GRIK4: variants seen among roughly 807,000 people sequenced by gnomAD.
The protein encoded by GRIK4 is glutamate ionotropic receptor kainate type subunit 4.
In GRIK4, 40 loss-of-function variants were observed where a neutral mutation model predicts 104.9. That is an observed-to-expected ratio of 0.38 (90% CI 0.30 to 0.50). GRIK4 has a LOEUF of 0.50. GRIK4 is among the 20% of genes least tolerant of loss of function. The probability of loss-of-function intolerance (pLI) is 0.93; values close to 1 mark genes in which losing one functional copy is unlikely to be tolerated. For synonymous variants in GRIK4, 485 were observed against 524.9 expected (o/e 0.92, Z 1.04); for missense variants, 1,047 against 1,308.1 (o/e 0.80, Z 3.08).
chr11:120,919,560 AC>A (rs1197596076), intron 13 of GRIK4, among the ~76,000 whole-genome samples: 4 of 152,164 alleles, frequency 2.6e-5, no homozygotes, highest in Admixed American at 1.3e-4. Context: ...TTGCAACTTA[AC>A]AGGCCCTCCA....
chr11:120,814,353 A>G (rs1952888805), intron 4 of GRIK4, among the ~76,000 whole-genome samples: 1 of 152,156 alleles, frequency 6.6e-6, no homozygotes. Flanking sequence ...TAATCCCAGC[A>G]CTTCGGGAGG....
chr11:120,640,542 A>G (rs554477948), intron 1 of GRIK4, among the ~76,000 whole-genome samples: 1 of 152,322 alleles, frequency 6.6e-6, no homozygotes, highest in South Asian at 2.1e-4. Context: ...TAAGACCCCA[A>G]TCCATCACCA....
At chr11:120,963,997 T>TTATTA (rs10623083) in intron 18 of GRIK4, among the ~76,000 whole-genome samples, 1 of 146,282 alleles carries the variant, frequency 6.8e-6, no homozygotes, top group African/African-American at 2.5e-5. Flanking sequence ...ATTTATTTAT[T>TTATTA]TTTATTTATT....
chr11:120,950,287 T>C (rs1377835685), intron 14 of GRIK4, among the ~76,000 whole-genome samples: 1 of 152,210 alleles, frequency 6.6e-6, no homozygotes, highest in East Asian at 1.9e-4. Flanking sequence ...GAGCTTTGTT[T>C]ATGTCATGGT....
chr11:120,874,470 T>C (rs1237848929), intron 10 of GRIK4, among the ~76,000 whole-genome samples: 2 of 152,182 alleles, frequency 1.3e-5, no homozygotes, highest in African/African-American at 4.8e-5. Context: ...CCTTACACTA[T>C]TAGTGGGCCC....
chr11:120,943,237 T>A (rs1374655983), intron 14 of GRIK4, among the ~76,000 whole-genome samples: 4 of 151,682 alleles, frequency 2.6e-5, no homozygotes, highest in Non-Finnish European at 5.9e-5. Context: ...CTAGACCTGA[T>A]TGATAACAGG....
chr11:120,863,290 C>T (rs1954309513), intron 9 of GRIK4, among the ~76,000 whole-genome samples: 1 of 152,210 alleles, frequency 6.6e-6, no homozygotes, highest in Non-Finnish European at 1.5e-5. Flanking sequence ...TATGCAAATA[C>T]TTACCACTGT....
chr11:120,561,302 G>C (rs565640040), intron 1 of GRIK4, among the ~76,000 whole-genome samples: 1 of 152,176 alleles, frequency 6.6e-6, no homozygotes, highest in Non-Finnish European at 1.5e-5. Context: ...TTGATGGAGC[G>C]CTTCTCCCTC....
intron 6 of GRIK4, among the ~76,000 whole-genome samples, chr11:120,822,075 G>T (rs1291508155): frequency 6.6e-6 from 1 of 151,930 alleles, no homozygotes; most frequent in African/African-American, 2.4e-5. Context: ...GACGGGTGTG[G>T]TGGTACGCGC....
chr11:120,840,286 G>A (rs1253394009), intron 8 of GRIK4, among the ~76,000 whole-genome samples: 1 of 152,202 alleles, frequency 6.6e-6, no homozygotes, highest in Non-Finnish European at 1.5e-5. Flanking sequence ...ACAGTCAGAG[G>A]AAACAGTGAA....
At chr11:120,795,568 T>C (rs1293009769) in intron 3 of GRIK4, among the ~76,000 whole-genome samples, 1 of 152,210 alleles carries the variant, frequency 6.6e-6, no homozygotes, top group Non-Finnish European at 1.5e-5. Context: ...GTGTCCAGAA[T>C]TGTGCAGCTA....
intron 13 of GRIK4, among the ~76,000 whole-genome samples, chr11:120,931,193 A>G (rs2134607695): frequency 6.6e-6 from 1 of 152,238 alleles, no homozygotes; most frequent in Admixed American, 6.5e-5. Flanking sequence ...GGTGCCAGTG[A>G]CCCAGGCAAT....
intron 1 of GRIK4, among the ~76,000 whole-genome samples, chr11:120,603,913 A>G (rs1004569334): frequency 1.3e-5 from 2 of 150,466 alleles, no homozygotes; most frequent in Admixed American, 1.4e-4. Context: ...GCTCATGCCT[A>G]TAACCCCAGC....
intron 20 of GRIK4, among the ~76,000 whole-genome samples, chr11:120,984,684 G>A (rs972952783): frequency 2.0e-5 from 3 of 151,970 alleles, no homozygotes; most frequent in East Asian, 1.9e-4. Flanking sequence ...CAGAAGAATC[G>A]CTTGAACCCA....
intron 1 of GRIK4, among the ~76,000 whole-genome samples, chr11:120,580,974 G>A (rs944235371): frequency 2.6e-5 from 4 of 152,118 alleles, no homozygotes; most frequent in South Asian, 2.1e-4. Context: ...TTTATGAGGC[G>A]TATGGTTGTA....
At chr11:120,760,780 C>CT (rs917643409) in intron 3 of GRIK4, among the ~76,000 whole-genome samples, 3 of 151,948 alleles carry the variant, frequency 2.0e-5, no homozygotes, top group African/African-American at 7.2e-5. Flanking sequence ...CGAACTCATT[C>CT]TTTTTTTATG....
chr11:120,767,872 T>G (rs1233129788), intron 3 of GRIK4, among the ~76,000 whole-genome samples: 2 of 152,190 alleles, frequency 1.3e-5, no homozygotes, highest in African/African-American at 4.8e-5. Flanking sequence ...TTTGGATTCA[T>G]TTCTGGGTTC....
intron 1 of GRIK4, among the ~76,000 whole-genome samples, chr11:120,626,992 G>A (rs1389398580): frequency 6.6e-6 from 1 of 152,206 alleles, no homozygotes; most frequent in African/African-American, 2.4e-5. Context: ...ACGGAGGCCC[G>A]AAGGGCTTCT....
intron 3 of GRIK4, among the ~76,000 whole-genome samples, chr11:120,683,793 G>A (rs571832932): frequency 6.6e-6 from 1 of 152,266 alleles, no homozygotes; most frequent in East Asian, 1.9e-4. Flanking sequence ...GTGCCTAGGG[G>A]GCATATTGGT....
Sources: allele counts gnomAD v4.1 joint callset (sites outside exome capture counted in the v4.1 genomes callset), GRCh38; gene constraint gnomAD v4.1.1; transcripts MANE v1.5; gene names NCBI Gene and HGNC (gene_info 2026-07-23, HGNC 2026-07-21).